The following ELAVL2 variants were observed in gnomAD, a reference collection of about 807,000 sequenced individuals.
ELAVL2 encodes ELAV-like protein 2.
ELAVL2 carries 4 observed loss-of-function variants against 34.6 expected under a neutral mutation model. The observed-to-expected ratio is 0.12, with a 90% CI of 0.06 to 0.26. The LOEUF is 0.26. Ranked by LOEUF, ELAVL2 falls within the 10% of genes least tolerant of loss-of-function variation. The pLI, the probability that ELAVL2 is intolerant of heterozygous loss-of-function variation, is 1.00. For missense variants in ELAVL2, 432 were observed against 442.8 expected, an observed-to-expected ratio of 0.98 and a Z score of 0.22; for synonymous variants, 193 against 154.8, an observed-to-expected ratio of 1.25 and a Z score of -1.83.
intron 2 of ELAVL2, among the ~76,000 whole-genome samples, chr9:23,736,852 G>GT (rs1227385040): frequency 1.3e-5 from 2 of 152,110 alleles, no homozygotes; most frequent in African/African-American, 2.4e-5. Context: ...GTCACTGTCA[G>GT]TTTTTTGCTC....
intron 1 of ELAVL2, chr9:23,764,879 A>G: frequency 1.1e-6 from 1 of 918,956 alleles, no homozygotes; most frequent in Non-Finnish European, 1.7e-6. Flanking sequence ...TGATGGCCAT[A>G]CCACAATAGG....
chr9:23,706,502 C>T (rs1162143124), intron 3 of ELAVL2, among the ~76,000 whole-genome samples: 1 of 152,170 alleles, frequency 6.6e-6, no homozygotes, highest in South Asian at 2.1e-4. Flanking sequence ...TGACTCTCTG[C>T]CTATAACCTA....
intron 2 of ELAVL2, among the ~76,000 whole-genome samples, chr9:23,738,546 A>C (rs2048417423): frequency 6.6e-6 from 1 of 152,156 alleles, no homozygotes; most frequent in East Asian, 1.9e-4. Context: ...AGGGATTATC[A>C]CAAGGATGGA....
chr9:23,833,558 A>C, the ELAVL2 span, among the ~76,000 whole-genome samples: 1 of 151,874 alleles, frequency 6.6e-6, no homozygotes, highest in Admixed American at 6.5e-5. Flanking sequence ...AATTTTAAGA[A>C]GTGACATTTT....
At chr9:23,728,962 T>C (rs1396877469) in intron 3 of ELAVL2, among the ~76,000 whole-genome samples, 1 of 152,092 alleles carries the variant, frequency 6.6e-6, no homozygotes, top group Non-Finnish European at 1.5e-5. Flanking sequence ...AATCAGAAAC[T>C]GATGTCACAC....
chr9:23,824,336 C>T (rs1345324556), intron 1 of ELAVL2, among the ~76,000 whole-genome samples: 1 of 152,148 alleles, frequency 6.6e-6, no homozygotes, highest in Non-Finnish European at 1.5e-5. Flanking sequence ...AATGGCCACG[C>T]GAGGTCTCGT....
intron 1 of ELAVL2, among the ~76,000 whole-genome samples, chr9:23,810,830 C>T (rs1588721127): frequency 6.6e-6 from 1 of 152,250 alleles, no homozygotes; most frequent in East Asian, 1.9e-4. Flanking sequence ...GTGTTAATCA[C>T]CATTACTAGA....
At chr9:23,741,799 G>C (rs138217303) in intron 2 of ELAVL2, among the ~76,000 whole-genome samples, 2 of 152,106 alleles carry the variant, frequency 1.3e-5, no homozygotes, top group African/African-American at 4.8e-5. Flanking sequence ...AAAGCCCTAC[G>C]GTAAATTTTT....
intron 4 of ELAVL2, among the ~76,000 whole-genome samples, chr9:23,702,974 A>AAAAAAAAAAAAC (rs1554663987): frequency 1.4e-5 from 2 of 139,300 alleles, no homozygotes; most frequent in Non-Finnish European, 3.0e-5. Flanking sequence ...AAAAAAAAAA[A>AAAAAAAAAAAAC]AAAAAAACAG....
At chr9:23,782,589 C>A (rs539016726) in intron 1 of ELAVL2, among the ~76,000 whole-genome samples, 1 of 151,696 alleles carries the variant, frequency 6.6e-6, no homozygotes, top group Non-Finnish European at 1.5e-5. Context: ...AACAAACAAA[C>A]GAAAAGAAAC....
At chr9:23,825,368 G>C (rs2065234760) in intron 1 of ELAVL2, among the ~76,000 whole-genome samples, 1 of 152,104 alleles carries the variant, frequency 6.6e-6, no homozygotes, top group East Asian at 1.9e-4. Flanking sequence ...TGTGGTTTTC[G>C]CTGGTCTAAT....
intron 3 of ELAVL2, among the ~76,000 whole-genome samples, chr9:23,705,820 C>T (rs1022281760): frequency 2.8e-4 from 43 of 152,170 alleles, no homozygotes; most frequent in African/African-American, 1.0e-3. Context: ...TAACAGGCCA[C>T]GGACTGGTAT....
intron 5 of ELAVL2, among the ~76,000 whole-genome samples, chr9:23,695,451 A>T (rs1400518282): frequency 6.6e-6 from 1 of 152,178 alleles, no homozygotes. Flanking sequence ...ATGAGTTTTC[A>T]GAATTTTCAA....
At chr9:23,693,525 T>C in intron 5 of ELAVL2, 39 bp from the exon 6 acceptor site, 7 of 1,613,634 alleles carry the variant, frequency 4.3e-6, no homozygotes, top group Non-Finnish European at 5.1e-6. Context: ...GTTTTTAATT[T>C]TTCCCCTTGA....
intron 1 of ELAVL2, among the ~76,000 whole-genome samples, chr9:23,813,239 A>T (rs897213699): frequency 3.3e-5 from 5 of 152,132 alleles, no homozygotes; most frequent in African/African-American, 1.2e-4. Flanking sequence ...GCCTCTTTCT[A>T]CTTCTGCTGG....
At chr9:23,761,731 A>G (rs954939876) in intron 2 of ELAVL2, among the ~76,000 whole-genome samples, 2 of 152,076 alleles carry the variant, frequency 1.3e-5, no homozygotes, top group African/African-American at 2.4e-5. Context: ...GACACTGGCT[A>G]TCCCAGATAC....
chr9:23,802,182 C>T (rs1387954140), intron 1 of ELAVL2, among the ~76,000 whole-genome samples: 3 of 152,082 alleles, frequency 2.0e-5, no homozygotes, highest in African/African-American at 7.2e-5. Flanking sequence ...TGAACTACTC[C>T]GAGGTGCATT....
intron 3 of ELAVL2, among the ~76,000 whole-genome samples, chr9:23,730,081 T>C (rs2046175460): frequency 6.6e-6 from 1 of 152,096 alleles, no homozygotes; most frequent in Non-Finnish European, 1.5e-5. Flanking sequence ...GGGAGCCACA[T>C]CTAGACTCTG....
chr9:23,803,098 TA>T (rs565615964), intron 1 of ELAVL2, among the ~76,000 whole-genome samples: 12 of 152,238 alleles, frequency 7.9e-5, no homozygotes, highest in African/African-American at 2.6e-4. Flanking sequence ...CCCATATAGA[TA>T]AACCTTAGAA....
Sources: allele counts gnomAD v4.1 joint callset (sites outside exome capture counted in the v4.1 genomes callset), GRCh38; gene constraint gnomAD v4.1.1; transcripts MANE v1.5; gene names NCBI Gene and HGNC (gene_info 2026-07-23, HGNC 2026-07-21).